Variants in GMEB1 observed in about 807,000 individuals in gnomAD.
GMEB1 encodes glucocorticoid modulatory element binding protein 1.
A neutral mutation model predicts 52.4 loss-of-function variants in GMEB1; 6 were observed. That is an observed-to-expected ratio of 0.11 (90% CI 0.06 to 0.23). GMEB1 has a LOEUF of 0.23. Among genes scored for constraint, GMEB1 ranks in the 10% least tolerant of loss-of-function variants. GMEB1 has a pLI of 1.00. For synonymous variants in GMEB1, 255 were observed against 244.9 expected (o/e 1.04, Z -0.38); for missense variants, 486 against 685.6 (o/e 0.71, Z 3.25).
rs7533961 is a variant in GMEB1, at chr1:28,697,857, C to A, written c.598+773C>A. ...GAGGCAGATCATGAAGTCAAGAGAT[C>A]GGCCAGGTGCGGTGGCTCACGCCTG... On this transcript the variant is annotated intron_variant, in intron 6 of 9. Transcript: ENST00000373816. 5.8e-3 allele frequency among the ~76,000 whole-genome samples: 884 copies of A among 151,708 alleles called. 9 individuals are homozygous for A. The highest frequency in any genetic ancestry group is 0.02 in the African/African-American group (834 of 41,386).
chr1:28,688,013 G>A (rs564864381), intron 2 of GMEB1, among the ~76,000 whole-genome samples: 45 of 152,114 alleles, frequency 3.0e-4, no homozygotes, highest in Non-Finnish European at 5.9e-4. Flanking sequence ...GGCTGGGCAC[G>A]GTGGCTCACG....
chr1:28,690,189 A>G lies in GMEB1; in HGVS notation c.211+3A>G. ...ACACAAAATTGAAGAAGGGATTGGT[A>G]AGGGTTTTTTTGTGTTTTTTTTTTT... On this transcript the variant is annotated splice_donor_region_variant and intron_variant, in intron 3 of 9. Coordinates refer to ENST00000373816, the MANE Select transcript of GMEB1 (RefSeq NM_001319674.2). 8.1e-7 allele frequency: 1 copy of G among 1,231,486 alleles called. No individual in the cohort carries two copies. The highest frequency in any genetic ancestry group is 1.2e-6 in the Non-Finnish European group (1 of 866,416). The allele number at this position is 1,231,486 out of a possible 1,614,324, so 76.3% of individuals were successfully genotyped here.
At chr1:28,706,977 G>GTTTTTT (rs1237383046) in intron 8 of GMEB1, among the ~76,000 whole-genome samples, 33 of 82,760 alleles carry the variant, frequency 4.0e-4, no homozygotes, top group African/African-American at 5.1e-4. Context: ...TCCAGATTTG[G>GTTTTTT]TTTTTTTTTT....
chr1:28,670,855 GA>G (rs1158958830), intron 1 of GMEB1, among the ~76,000 whole-genome samples: 2 of 152,118 alleles, frequency 1.3e-5, no homozygotes, highest in African/African-American at 4.8e-5. Context: ...TTACTTAAAT[GA>G]TTTTTTTTGG....
intron 8 of GMEB1, among the ~76,000 whole-genome samples, chr1:28,709,346 A>G (rs1670938789): frequency 6.6e-6 from 1 of 152,070 alleles, no homozygotes; most frequent in Admixed American, 6.6e-5. Context: ...CTTGCATGCC[A>G]GTCCCCATGT....
chr1:28,716,517 C>A lies in GMEB1; in HGVS notation c.*1744C>A, dbSNP rs1209844571. 1 of 152,164 alleles carries A rather than the reference C, an allele frequency of 6.6e-6. No homozygotes were observed. The highest frequency in any genetic ancestry group is 1.9e-4 in the East Asian group (1 of 5,200). The allele number at this position is 152,164 out of a possible 1,614,324, so 9.4% of individuals were successfully genotyped here. ...TGATTTGGAGAACAGTGACAGGTGCCTGCCTGCCTTCGTCCCCTTTTAGAT... is the reference window on the plus strand; with the variant it reads ...TGATTTGGAGAACAGTGACAGGTGCATGCCTGCCTTCGTCCCCTTTTAGAT... On this transcript the variant is annotated 3_prime_UTR_variant, in exon 10 of 10. Transcript: ENST00000373816.
At chr1:28,687,368 ACACACACACAC>A (rs1557504131) in intron 2 of GMEB1, among the ~76,000 whole-genome samples, 4 of 71,374 alleles carry the variant, frequency 5.6e-5, no homozygotes, top group African/African-American at 1.5e-4. Context: ...ACACACACAC[ACACACACACAC>A]ACACACACAA....
chr1:28,704,404 C>A, intron 8 of GMEB1, 75 bp downstream of exon 8: 1 of 1,225,574 alleles, frequency 8.2e-7, no homozygotes, highest in Non-Finnish European at 1.1e-6. Context: ...GTAAGCCTTG[C>A]AAAAACCCTG....
chr1:28,704,451 G>A (rs1186028534), intron 8 of GMEB1, 122 bp downstream of exon 8: 3 of 711,482 alleles, frequency 4.2e-6, no homozygotes, highest in Non-Finnish European at 6.4e-6. Flanking sequence ...TACAGATAAG[G>A]AAACTAAGGC....
intron 9 of GMEB1, among the ~76,000 whole-genome samples, 191 bp downstream of exon 9, chr1:28,710,833 A>AT (rs913583672): frequency 6.6e-6 from 1 of 151,824 alleles, no homozygotes; most frequent in Non-Finnish European, 1.5e-5. Flanking sequence ...GGAAAAAAAA[A>AT]GGAAGCTGCC....
chr1:28,689,725 A>G (rs964287611), intron 2 of GMEB1: 1 of 162,006 alleles, frequency 6.2e-6, no homozygotes, highest in Non-Finnish European at 1.3e-5. Flanking sequence ...TAGATGTCCT[A>G]GAGAAATATT....
intron 4 of GMEB1, 23 bp from the exon 5 acceptor site, chr1:28,692,919 T>C: frequency 1.4e-6 from 2 of 1,399,686 alleles, no homozygotes; most frequent in East Asian, 2.3e-5. Flanking sequence ...TTAGACTCTT[T>C]GGACTTTTCT....
At chr1:28,688,440 G>T (rs376800619) in intron 2 of GMEB1, among the ~76,000 whole-genome samples, 1 of 152,068 alleles carries the variant, frequency 6.6e-6, no homozygotes, top group Non-Finnish European at 1.5e-5. Context: ...GTAACAAGAT[G>T]CAATAATTAG....
intron 4 of GMEB1, among the ~76,000 whole-genome samples, chr1:28,692,623 G>C (rs908368043): frequency 2.6e-5 from 4 of 152,064 alleles, no homozygotes; most frequent in Non-Finnish European, 1.5e-5. Context: ...GGGCTGGATA[G>C]ATTATTTCAG....
At chr1:28,703,904 T>C (rs1670630109) in intron 7 of GMEB1, among the ~76,000 whole-genome samples, 1 of 152,122 alleles carries the variant, frequency 6.6e-6, no homozygotes, top group South Asian at 2.1e-4. Flanking sequence ...TGTTTAATAT[T>C]TTTATTGGAG....
chr1:28,710,122 G>T (rs1252487985), intron 8 of GMEB1, among the ~76,000 whole-genome samples: 1 of 152,056 alleles, frequency 6.6e-6, no homozygotes, highest in Non-Finnish European at 1.5e-5. Flanking sequence ...ACTCCAGCCT[G>T]GGGGACAGAG....
chr1:28,700,996 G>A (rs1265821279), intron 6 of GMEB1, among the ~76,000 whole-genome samples: 4 of 151,996 alleles, frequency 2.6e-5, no homozygotes, highest in African/African-American at 9.7e-5. Context: ...TCTATGAAGT[G>A]TTGAGTTTTA....
chr1:28,703,314 G>A (rs1027463564), intron 7 of GMEB1, among the ~76,000 whole-genome samples: 2 of 152,104 alleles, frequency 1.3e-5, no homozygotes, highest in Non-Finnish European at 2.9e-5. Flanking sequence ...CATTTAATAG[G>A]TATTTATTAT....
In GMEB1 at chr1:28,704,199, T is replaced by C. The variant is rs766949633; in HGVS notation, c.738T>C (p.Thr246=). 2 of 1,611,574 alleles carry C rather than the reference T, an allele frequency of 1.2e-6. No individual in the cohort carries two copies. The highest frequency in any genetic ancestry group is 3.3e-5 in the Admixed American group (2 of 59,758). ...KKDSEEISED[T]LMFWKGIADV... is the part of the protein sequence containing the mutation. ...TTATCCTTCTTGTGCCAGAGGACAC[T>C]TTGATGTTCTGGAAAGGAATAGCTG... Residue 246 remains threonine (T), a synonymous_variant, in exon 8 of 10, where the codon ACT becomes ACC. Coordinates refer to ENST00000373816, the MANE Select transcript of GMEB1 (RefSeq NM_001319674.2).
Sources: allele counts gnomAD v4.1 joint callset (sites outside exome capture counted in the v4.1 genomes callset), GRCh38; gene constraint gnomAD v4.1.1; transcripts MANE v1.5; gene names NCBI Gene and HGNC (gene_info 2026-07-23, HGNC 2026-07-21).